PSPH: variants seen among roughly 807,000 people sequenced by gnomAD.
The protein encoded by PSPH is phosphoserine phosphatase.
Under a neutral mutation model 23.4 loss-of-function variants are expected in PSPH, and 16 were observed. The observed-to-expected ratio is 0.68, with a 90% CI of 0.46 to 1.04. The LOEUF is 1.04. Among genes scored for constraint, PSPH ranks in the 50% least tolerant of loss-of-function variants. The pLI is 0.00. For synonymous variants in PSPH, 68 were observed against 99.7 expected (o/e 0.68, Z 1.89); for missense variants, 223 against 273.7 (o/e 0.81, Z 1.31).
Position 56,021,197 on chromosome 7 carries a change from C to T in PSPH, c.16G>A (p.Glu6Lys). 1 of 1,614,178 alleles carries T rather than the reference C, an allele frequency of 6.2e-7. No individual in the cohort carries two copies. Among genetic ancestry groups the T allele is most frequent in the Non-Finnish European group, 8.5e-7 (1 of 1,179,998 alleles). MVSHS[E>K]LRKLFYSADA... The stretch of plus-strand genomic sequence containing the variant: ...GCTGAGTAGAAAAGCTTCCTCAGCT[C>T]TGAGTGGGAGACCATCGCTGGAAGA... Residue 6 changes from glutamate (E) to lysine (K), a missense_variant, in exon 4 of 8, where the codon GAG (glutamate) becomes AAG (lysine). Glu to Lys is a moderately conservative substitution (Grantham distance 56). Transcript: ENST00000275605.
At chr7:56,044,523 G>A (rs1002968749) in intron 1 of PSPH, among the ~76,000 whole-genome samples, 3 of 152,058 alleles carry the variant, frequency 2.0e-5, no homozygotes, top group South Asian at 2.1e-4. Flanking sequence ...TATAATAACC[G>A]AGAGTTAAAA....
At chr7:56,025,280 C>A (rs533958821) in intron 3 of PSPH, among the ~76,000 whole-genome samples, 1 of 151,062 alleles carries the variant, frequency 6.6e-6, no homozygotes. Flanking sequence ...CACACACACA[C>A]ATTTTTTTTT....
chr7:56,018,361 A>C (rs73140771), intron 5 of PSPH, among the ~76,000 whole-genome samples: 28,756 of 147,092 alleles, frequency 0.2, 2,964 homozygotes, highest in Admixed American at 0.26. Context: ...ACAACAACAA[A>C]AAAAAAACAA....
At chr7:56,049,750 A>ATT (rs547473374) in intron 1 of PSPH, among the ~76,000 whole-genome samples, 4 of 146,570 alleles carry the variant, frequency 2.7e-5, no homozygotes, top group African/African-American at 5.1e-5. Flanking sequence ...TATTATTATT[A>ATT]TTATTTTTTT....
At position 56,011,605 on chromosome 7, in the gene PSPH, G is replaced by C. The variant is rs1181829048; in HGVS notation, c.*157C>G. 2 of 425,594 alleles carry C rather than the reference G, an allele frequency of 4.7e-6. No individual in the cohort carries two copies. The highest frequency in any genetic ancestry group is 2.2e-5 in the African/African-American group (1 of 44,710). 26.4% of individuals were successfully genotyped at this position (425,594 alleles called of 1,614,324 possible). On this transcript the variant is annotated 3_prime_UTR_variant, in exon 8 of 8. Transcript: ENST00000275605. Reference sequence around the variant, plus strand: ...AACTACAGTTAAAAAAAAAAAAAAAGCAATCTTCTAGGATTCCTAACTGTA... The same window carrying C: ...AACTACAGTTAAAAAAAAAAAAAAACCAATCTTCTAGGATTCCTAACTGTA...
intron 3 of PSPH, among the ~76,000 whole-genome samples, chr7:56,028,900 C>T (rs1329580700): frequency 6.6e-6 from 1 of 151,992 alleles, no homozygotes; most frequent in East Asian, 1.9e-4. Flanking sequence ...CTCACTGCAA[C>T]CTCCGCCTCC....
At chr7:56,020,656 T>A (rs1205739039) in intron 4 of PSPH, among the ~76,000 whole-genome samples, 1 of 149,966 alleles carries the variant, frequency 6.7e-6, no homozygotes, top group Non-Finnish European at 1.5e-5. Flanking sequence ...ACATGGTGCA[T>A]GACTGGGGGA....
chr7:56,040,897 A>C (rs998095153), intron 1 of PSPH, among the ~76,000 whole-genome samples: 12 of 152,034 alleles, frequency 7.9e-5, no homozygotes, highest in African/African-American at 1.2e-4. Flanking sequence ...ACTGAGGGCA[A>C]GCCTCAATCA....
chr7:56,029,143 C>T (rs1790598540), intron 3 of PSPH, among the ~76,000 whole-genome samples: 1 of 152,010 alleles, frequency 6.6e-6, no homozygotes, highest in South Asian at 2.1e-4. Flanking sequence ...TTGTCTCCAC[C>T]AGGAGTGACT....
intron 7 of PSPH, among the ~76,000 whole-genome samples, chr7:56,012,823 G>A (rs1788061384): frequency 6.8e-6 from 1 of 147,380 alleles, no homozygotes. Flanking sequence ...TCAAACTCCT[G>A]GCCTCAGGTG....
intron 7 of PSPH, 148 bp from the exon 8 acceptor site, chr7:56,012,017 T>C (rs1787965231): frequency 1.5e-6 from 1 of 666,312 alleles, no homozygotes; most frequent in South Asian, 1.7e-5. Flanking sequence ...GTGATTCTCA[T>C]GCCTCAGCCT....
chr7:56,021,774 C>G (rs1293532998), intron 3 of PSPH, among the ~76,000 whole-genome samples: 2 of 149,598 alleles, frequency 1.3e-5, no homozygotes, highest in African/African-American at 4.9e-5. Flanking sequence ...ACAGTGAAAC[C>G]CTGTCTCTAC....
chr7:56,045,988 A>T (rs959977318), intron 1 of PSPH, among the ~76,000 whole-genome samples: 4 of 151,894 alleles, frequency 2.6e-5, no homozygotes, highest in Non-Finnish European at 5.9e-5. Flanking sequence ...GGATATTTGC[A>T]TCAGTTCCCC....
At chr7:56,028,657 A>G (rs188053931) in intron 3 of PSPH, among the ~76,000 whole-genome samples, 101 of 152,176 alleles carry the variant, frequency 6.6e-4, no homozygotes, top group African/African-American at 2.4e-3. Flanking sequence ...CGGTCAGGCC[A>G]GGGGAGATGG....
intron 1 of PSPH, among the ~76,000 whole-genome samples, chr7:56,037,433 T>C (rs1791860129): frequency 6.6e-6 from 1 of 151,872 alleles, no homozygotes; most frequent in Non-Finnish European, 1.5e-5. Flanking sequence ...TTTTTTTTTT[T>C]CTTTTGAGGC....
chr7:56,029,586 C>G (rs1028034131), intron 3 of PSPH, among the ~76,000 whole-genome samples: 1 of 151,306 alleles, frequency 6.6e-6, no homozygotes, highest in African/African-American at 2.4e-5. Context: ...GGCCAGCCTT[C>G]GGAGGTCTGA....
chr7:56,023,910 TTTTA>T (rs1789803603), intron 3 of PSPH, among the ~76,000 whole-genome samples: 1 of 152,020 alleles, frequency 6.6e-6, no homozygotes, highest in Admixed American at 6.6e-5. Context: ...TTTACATTTA[TTTTA>T]TTTTACTTTT....
chr7:56,021,949 C>CAA (rs753210160), intron 3 of PSPH, among the ~76,000 whole-genome samples: 2,484 of 40,996 alleles, frequency 0.061, 125 homozygotes, highest in East Asian at 0.25. Context: ...GACTCCGTCT[C>CAA]AAAAAAAAAA....
chr7:56,031,674 G>A (rs1399280936), intron 3 of PSPH, among the ~76,000 whole-genome samples: 1 of 152,076 alleles, frequency 6.6e-6, no homozygotes, highest in Non-Finnish European at 1.5e-5. Context: ...TTAGCCAGGT[G>A]TGGTGGCCCA....
Sources: allele counts gnomAD v4.1 joint callset (sites outside exome capture counted in the v4.1 genomes callset), GRCh38; gene constraint gnomAD v4.1.1; transcripts MANE v1.5; gene names NCBI Gene and HGNC (gene_info 2026-07-23, HGNC 2026-07-21).